ASTN1: variants seen among roughly 807,000 people sequenced by gnomAD.
The protein encoded by ASTN1 is astrotactin 1, also known as astrotactin-1.
Under a neutral mutation model 140.7 loss-of-function variants are expected in ASTN1, and 41 were observed. The observed-to-expected ratio is 0.29, with a 90% CI of 0.23 to 0.38. The LOEUF is 0.38. Among genes scored for constraint, ASTN1 ranks in the 10% least tolerant of loss-of-function variants. The pLI is 1.00. For missense variants in ASTN1, 1,479 were observed against 1,678.8 expected, an observed-to-expected ratio of 0.88 and a Z score of 2.08; for synonymous variants, 640 against 652.2, an observed-to-expected ratio of 0.98 and a Z score of 0.29.
chr1:177,152,505 C>G (rs1683082619), intron 1 of ASTN1, among the ~76,000 whole-genome samples: 1 of 150,578 alleles, frequency 6.6e-6, no homozygotes, highest in Non-Finnish European at 1.5e-5. Context: ...GTAAATCTAA[C>G]AAGAAATGTG....
In ASTN1 at chr1:177,153,835, T is replaced by C. The variant is rs377022500; in HGVS notation, c.283+10559A>G. Among the ~76,000 whole-genome samples the C allele has an allele frequency of 5.0e-4, 76 of 152,266 alleles. 1 individual carries two copies. The South Asian group carries it at 0.015, about 31-fold the overall frequency. On this transcript the variant is annotated intron_variant, in intron 1 of 22. Transcript: ENST00000361833. ...AGTCAAAGAGATAACCTCCCTCGTATCTAAAATGCTCCTAAAAATATGAAA... is the reference window on the plus strand; with the variant it reads ...AGTCAAAGAGATAACCTCCCTCGTACCTAAAATGCTCCTAAAAATATGAAA...
chr1:176,999,995 C>CGAAT (rs1473096974), intron 8 of ASTN1, among the ~76,000 whole-genome samples: 1 of 151,922 alleles, frequency 6.6e-6, no homozygotes, highest in Non-Finnish European at 1.5e-5. Context: ...TGGAGTAATA[C>CGAAT]GAATGTATGT....
At chr1:177,038,702 A>C (rs570099916) in intron 2 of ASTN1, among the ~76,000 whole-genome samples, 1 of 152,190 alleles carries the variant, frequency 6.6e-6, no homozygotes, top group African/African-American at 2.4e-5. Flanking sequence ...TACTTTAGCA[A>C]GGCATTTTTT....
chr1:176,981,973 A>C (rs1673640677), intron 8 of ASTN1, among the ~76,000 whole-genome samples: 2 of 152,208 alleles, frequency 1.3e-5, no homozygotes. Context: ...ACATTGTGCC[A>C]AATAAAAAAA....
intron 1 of ASTN1, among the ~76,000 whole-genome samples, chr1:177,078,104 T>A (rs1679004133): frequency 6.6e-6 from 1 of 151,956 alleles, no homozygotes; most frequent in Non-Finnish European, 1.5e-5. Flanking sequence ...AGAAAAAACA[T>A]GTGGCATAGA....
chr1:176,946,502 A>G (rs959824236), intron 12 of ASTN1, among the ~76,000 whole-genome samples: 2 of 152,190 alleles, frequency 1.3e-5, no homozygotes, highest in African/African-American at 2.4e-5. Flanking sequence ...AACCATCTAC[A>G]TGGTCAGACC....
chr1:176,979,268 TATG>T (rs1428747499), intron 8 of ASTN1, among the ~76,000 whole-genome samples: 1 of 152,134 alleles, frequency 6.6e-6, no homozygotes. Context: ...CTCTCCCTGT[TATG>T]ATGATGTAGC....
chr1:176,959,408 A>G (rs1035295655), intron 9 of ASTN1, among the ~76,000 whole-genome samples: 1 of 152,106 alleles, frequency 6.6e-6, no homozygotes, highest in African/African-American at 2.4e-5. Context: ...TGCTGCTCGT[A>G]CAGCACCATT....
chr1:176,877,195 C>T (rs539436088), intron 20 of ASTN1, among the ~76,000 whole-genome samples: 51 of 152,264 alleles, frequency 3.3e-4, no homozygotes, highest in Non-Finnish European at 6.3e-4. Context: ...ACTGTGAGAA[C>T]GAAATGAGAC....
At chr1:177,142,881 G>A (rs1453737969) in intron 1 of ASTN1, among the ~76,000 whole-genome samples, 2 of 143,892 alleles carry the variant, frequency 1.4e-5, no homozygotes, top group Non-Finnish European at 3.0e-5. Flanking sequence ...CCAGAGGAAA[G>A]GAGCAAGGAG....
intron 21 of ASTN1, among the ~76,000 whole-genome samples, chr1:176,872,171 A>G (rs1323116932): frequency 1.3e-5 from 2 of 151,874 alleles, no homozygotes; most frequent in Non-Finnish European, 2.9e-5. Context: ...TTGTGAGAAT[A>G]AAAGCTATAT....
chr1:177,014,770 AGTC>A lies in ASTN1; in HGVS notation c.1523+18_1523+20del. The A allele has an allele frequency of 6.3e-7, 1 of 1,599,372 alleles. No individual in the cohort carries two copies. The highest frequency in any genetic ancestry group is 8.6e-7 in the Non-Finnish European group (1 of 1,166,844). The stretch of plus-strand genomic sequence containing the variant: ...AGCAGTGATATGTGGGAACCAGCTA[AGTC>A]GTCATGCCCTCACTTACCCCTGGTT... On this transcript the variant is annotated intron_variant, in intron 8 of 22. Transcript: ENST00000361833.
intron 8 of ASTN1, among the ~76,000 whole-genome samples, chr1:177,000,813 T>C (rs1029859486): frequency 1.3e-5 from 2 of 152,208 alleles, no homozygotes; most frequent in Non-Finnish European, 2.9e-5. Flanking sequence ...TAGCCCACAT[T>C]ACCAAGAGTG....
At chr1:176,935,759 CTT>C (rs1462089232) in intron 15 of ASTN1, among the ~76,000 whole-genome samples, 2 of 151,254 alleles carry the variant, frequency 1.3e-5, no homozygotes, top group Non-Finnish European at 2.9e-5. Flanking sequence ...CTCTCTCTCT[CTT>C]TCTCTCTCTC....
At chr1:177,105,729 A>T (rs767043967) in intron 1 of ASTN1, among the ~76,000 whole-genome samples, 29 of 152,186 alleles carry the variant, frequency 1.9e-4, no homozygotes, top group South Asian at 1.0e-3. Flanking sequence ...AGAAATTGGT[A>T]TATTCTCGCT....
At chr1:177,090,501 C>A (rs1275458385) in intron 1 of ASTN1, among the ~76,000 whole-genome samples, 1 of 151,888 alleles carries the variant, frequency 6.6e-6, no homozygotes, top group African/African-American at 2.4e-5. Context: ...ATAAATAAAC[C>A]ATCAGAATTG....
intron 16 of ASTN1, among the ~76,000 whole-genome samples, chr1:176,914,061 G>A (rs1401692828): frequency 6.6e-6 from 1 of 152,094 alleles, no homozygotes; most frequent in Non-Finnish European, 1.5e-5. Context: ...CATGGGGAAG[G>A]GTGAAATTCA....
At chr1:177,126,337 G>A (rs1260024606) in intron 1 of ASTN1, among the ~76,000 whole-genome samples, 1 of 152,162 alleles carries the variant, frequency 6.6e-6, no homozygotes, top group Non-Finnish European at 1.5e-5. Context: ...GACTGAGAGT[G>A]ACAGATCCTC....
At chr1:177,019,248 C>T (rs1409880966) in intron 7 of ASTN1, among the ~76,000 whole-genome samples, 1 of 152,218 alleles carries the variant, frequency 6.6e-6, no homozygotes, top group Admixed American at 6.5e-5. Flanking sequence ...CATAGTGTTA[C>T]AGTGAAGCTC....
Sources: gnomAD v4.1 joint callset for allele counts (sites outside exome capture counted in the v4.1 genomes callset) on GRCh38, gnomAD v4.1.1 for gene constraint, MANE v1.5 for transcripts, NCBI Gene and HGNC (gene_info 2026-07-23, HGNC 2026-07-21) for gene names.